Variants in LIMS4 observed in about 807,000 individuals in gnomAD.
The protein encoded by LIMS4 is LIM zinc finger domain containing 4.
At chr2:110,395,596 C>T in the LIMS4 span, among the ~76,000 whole-genome samples, 1 of 9,288 alleles carries the variant, frequency 1.1e-4, no homozygotes, top group African/African-American at 5.9e-4. Context: ...GTGAGTCCCA[C>T]CCAGCTGGCC....
At chr2:110,368,313 A>T in the LIMS4 span, among the ~76,000 whole-genome samples, 1 of 152,086 alleles carries the variant, frequency 6.6e-6, no homozygotes, top group Middle Eastern at 3.2e-3. Flanking sequence ...ATATATATGT[A>T]GCACTCTGCC....
the LIMS4 span, among the ~76,000 whole-genome samples, chr2:110,374,282 AG>A: frequency 9.1e-6 from 1 of 109,362 alleles, no homozygotes; most frequent in African/African-American, 5.6e-5. Context: ...CTTTGCTCAT[AG>A]GGCACCCCCT....
chr2:110,367,807 T>C, the LIMS4 span, among the ~76,000 whole-genome samples: 1 of 139,994 alleles, frequency 7.1e-6, no homozygotes, highest in Non-Finnish European at 1.5e-5. Context: ...TGTTTGAGCC[T>C]GGGAGGTGGA....
At chr2:110,359,712 A>G in the LIMS4 span, among the ~76,000 whole-genome samples, 1 of 96,902 alleles carries the variant, frequency 1.0e-5, no homozygotes, top group Non-Finnish European at 2.0e-5. Flanking sequence ...GTGTTTCTGT[A>G]ATAGTTAATA....
At chr2:110,448,967 GC>G (rs1383104250) in intron 8 of LIMS4, among the ~76,000 whole-genome samples, 7 of 68,156 alleles carry the variant, frequency 1.0e-4, no homozygotes, top group Admixed American at 1.7e-4. Context: ...GTTTAGGTGA[GC>G]TTGCTGTTTC....
chr2:110,382,199 T>C, the LIMS4 span, among the ~76,000 whole-genome samples: 1 of 83,130 alleles, frequency 1.2e-5, no homozygotes, highest in Non-Finnish European at 2.1e-5. Context: ...AATAACACGA[T>C]TTTAAAATGG....
the LIMS4 span, among the ~76,000 whole-genome samples, chr2:110,425,220 G>A: frequency 1.4e-5 from 2 of 142,532 alleles, 1 homozygote; most frequent in African/African-American, 5.9e-5. Context: ...ATCCAGACCA[G>A]ATCTCTTTAA....
chr2:110,382,148 T>TATAC, the LIMS4 span, among the ~76,000 whole-genome samples: 2 of 84,434 alleles, frequency 2.4e-5, no homozygotes, highest in Non-Finnish European at 4.1e-5. Flanking sequence ...TATATATATA[T>TATAC]ATACATGTTT....
chr2:110,422,491 T>C, the LIMS4 span, among the ~76,000 whole-genome samples: 1 of 123,442 alleles, frequency 8.1e-6, no homozygotes. Context: ...TTTTTTTTTT[T>C]TTTTTTTTAG....
chr2:110,418,716 C>T, the LIMS4 span, among the ~76,000 whole-genome samples: 2 of 57,804 alleles, frequency 3.5e-5, no homozygotes, highest in Non-Finnish European at 6.1e-5. Context: ...AGTGCAGTGG[C>T]ATGATCATGG....
At chr2:110,389,846 G>A in the LIMS4 span, among the ~76,000 whole-genome samples, 1 of 147,860 alleles carries the variant, frequency 6.8e-6, no homozygotes, top group East Asian at 2.0e-4. Context: ...GCAGCATCCA[G>A]TCACCAGAAC....
chr2:110,425,602 T>C, the LIMS4 span, among the ~76,000 whole-genome samples: 23 of 141,862 alleles, frequency 1.6e-4, 3 homozygotes, highest in African/African-American at 6.9e-4. Context: ...GTTGGCCTGG[T>C]GGAATCACCC....
the LIMS4 span, chr2:110,376,249 C>T: frequency 7.2e-6 from 1 of 138,090 alleles, no homozygotes; most frequent in Non-Finnish European, 1.5e-5. Context: ...TAGAGAAGCT[C>T]GGAACTTTCA....
chr2:110,378,766 TTGAG>T, the LIMS4 span, among the ~76,000 whole-genome samples: 5 of 112,092 alleles, frequency 4.5e-5, no homozygotes, highest in African/African-American at 9.4e-5. Context: ...TGATATCCTA[TTGAG>T]TATGTATATG....
chr2:110,425,680 G>C, the LIMS4 span, among the ~76,000 whole-genome samples: 1 of 142,394 alleles, frequency 7.0e-6, no homozygotes, highest in African/African-American at 3.0e-5. Flanking sequence ...AGCGTGCCTG[G>C]ATGGGACGCT....
chr2:110,419,674 A>AAAG, the LIMS4 span, among the ~76,000 whole-genome samples: 2 of 44,026 alleles, frequency 4.5e-5, no homozygotes, highest in Admixed American at 5.8e-4. Context: ...AAAAAAAAAA[A>AAAG]AAAGAAAAAG....
At chr2:110,425,754 G>C in the LIMS4 span, among the ~76,000 whole-genome samples, 2 of 140,640 alleles carry the variant, frequency 1.4e-5, no homozygotes, top group Non-Finnish European at 1.5e-5. Context: ...GAATGAGCTC[G>C]AAAGTGAATT....
At chr2:110,382,218 T>C in the LIMS4 span, among the ~76,000 whole-genome samples, 1 of 76,986 alleles carries the variant, frequency 1.3e-5, no homozygotes, top group Non-Finnish European at 2.2e-5. Flanking sequence ...GGGGAGACAA[T>C]CTGAATAGAC....
chr2:110,425,673 G>A, the LIMS4 span, among the ~76,000 whole-genome samples: 49 of 142,508 alleles, frequency 3.4e-4, 5 homozygotes, highest in Admixed American at 1.6e-3. Flanking sequence ...AAGACTCAGC[G>A]TGCCTGGATG....
Sources: gnomAD v4.1 joint callset for allele counts (sites outside exome capture counted in the v4.1 genomes callset) on GRCh38, gnomAD v4.1.1 for gene constraint, MANE v1.5 for transcripts, NCBI Gene and HGNC (gene_info 2026-07-23, HGNC 2026-07-21) for gene names.